The following LPAR6 variants were observed in gnomAD, a reference collection of about 807,000 sequenced individuals.
LPAR6 encodes the protein G-protein coupled purinergic receptor P2Y5.
LPAR6 carries 17 observed loss-of-function variants against 22.0 expected under a neutral mutation model. The observed-to-expected ratio is 0.77, with a 90% CI of 0.53 to 1.16. The LOEUF is 1.16. Ranked by LOEUF, LPAR6 falls within the 50% of genes most tolerant of loss-of-function variation. LPAR6 has a pLI of 0.00. For missense variants in LPAR6, 384 were observed against 406.9 expected, an observed-to-expected ratio of 0.94 and a Z score of 0.48; for synonymous variants, 136 against 139.8, an observed-to-expected ratio of 0.97 and a Z score of 0.19.
upstream of LPAR6, among the ~76,000 whole-genome samples, chr13:48,414,342 C>CA (rs199626771): frequency 0.014 from 1,272 of 93,018 alleles, 15 homozygotes; most frequent in Middle Eastern, 0.089. Context: ...GAGACTATCT[C>CA]AAAAAAAAAA....
intron 1 of LPAR6, among the ~76,000 whole-genome samples, chr13:48,390,466 G>A (rs1460286998): frequency 6.6e-6 from 1 of 152,228 alleles, no homozygotes; most frequent in Non-Finnish European, 1.5e-5. Flanking sequence ...GTAGCAAGGA[G>A]GAATGTGACT....
upstream of LPAR6, among the ~76,000 whole-genome samples, chr13:48,430,381 T>TA (rs1949116659): frequency 6.6e-6 from 1 of 152,014 alleles, no homozygotes; most frequent in Non-Finnish European, 1.5e-5. Context: ...ATAATCTCAA[T>TA]AAAAAATGAC....
In LPAR6 at chr13:48,395,432, G is replaced by T. The variant is rs201990006; in HGVS notation, n.115-5620C>A. Among the ~76,000 whole-genome samples the T allele has an allele frequency of 3.3e-5, 5 of 152,012 alleles. 1 individual carries two copies. The highest frequency in any genetic ancestry group is 1.9e-4 in the East Asian group (1 of 5,182). ...AAGGTGGGTAATAACAAACTCCTCC[G>T]AGCTAAAGGACCATGTTCTAACCCA... On this transcript the variant is annotated intron_variant and non_coding_transcript_variant, in intron 1 of 1. Transcript: ENST00000462781.
chr13:48,411,447 A>G lies in LPAR6; in HGVS notation c.977T>C (p.Ile326Thr), dbSNP rs756763885. The G allele has an allele frequency of 3.7e-6, 6 of 1,613,470 alleles. No homozygotes were observed. The South Asian group carries it at 6.6e-5, about 18-fold the overall frequency. The change falls in exon 1 of 1, where the codon ATT (isoleucine) becomes ACT (threonine). Residue 326 changes from isoleucine to threonine, a missense_variant. By Grantham distance (89) the Ile-to-Thr change is moderately conservative. Coordinates refer to ENST00000620633, the MANE Select transcript of LPAR6 (RefSeq NM_001162498.3). The stretch of plus-strand genomic sequence containing the variant: ...TTTTAAGGTCTGTAGGTTATGCTGA[A>G]TAAAATTCTCTGCACCATGAACTTC... ...FSEVHGAENF[I>T]QHNLQTLKSK...
downstream of LPAR6, among the ~76,000 whole-genome samples, chr13:48,409,874 C>T (rs187477230): frequency 6.6e-6 from 1 of 151,820 alleles, no homozygotes; most frequent in Admixed American, 6.6e-5. Context: ...CCACCGTGCC[C>T]GGCCTGAATT....
At chr13:48,390,839 A>G (rs1003133779) in intron 1 of LPAR6, among the ~76,000 whole-genome samples, 4 of 152,084 alleles carry the variant, frequency 2.6e-5, no homozygotes, top group South Asian at 2.1e-4. Flanking sequence ...TTTAACTTAT[A>G]CGTGTCTTTA....
chr13:48,442,248 T>C (rs1949244982), intron 1 of LPAR6, among the ~76,000 whole-genome samples: 1 of 152,032 alleles, frequency 6.6e-6, no homozygotes, highest in African/African-American at 2.4e-5. Context: ...TTGCCCAGGC[T>C]GGAGTGCAGT....
chr13:48,411,380 G>T lies in LPAR6; in HGVS notation c.*9C>A. ...AAGTTCTGTCCCAGTGAGTCCTAAT[G>T]GTTTTATTTCAGGCAGCAGATTCAT... On this transcript the variant is annotated 3_prime_UTR_variant, in exon 1 of 1. Transcript: ENST00000620633. 2 of 1,604,526 alleles carry T rather than the reference G, an allele frequency of 1.2e-6. No homozygotes were observed. The highest frequency in any genetic ancestry group is 1.7e-6 in the Non-Finnish European group (2 of 1,173,884).
At chr13:48,391,422 T>C (rs1948609532) in intron 1 of LPAR6, 1 of 152,136 alleles carries the variant, frequency 6.6e-6, no homozygotes, top group African/African-American at 2.4e-5. Context: ...CTTCATTCCT[T>C]GTGTAGATCC....
At chr13:48,409,825 C>T (rs1257307063), downstream of LPAR6, among the ~76,000 whole-genome samples, 1 of 151,878 alleles carries the variant, frequency 6.6e-6, no homozygotes, top group South Asian at 2.1e-4. Context: ...ATGATCCACC[C>T]GCCTCAGCCA....
At chr13:48,414,719 T>C (rs1948878116), upstream of LPAR6, among the ~76,000 whole-genome samples, 1 of 152,216 alleles carries the variant, frequency 6.6e-6, no homozygotes, top group Non-Finnish European at 1.5e-5. Flanking sequence ...TTTTTGTCAT[T>C]TGTTGATGAA....
chr13:48,443,471 A>C (rs953549481), intron 1 of LPAR6, among the ~76,000 whole-genome samples: 1 of 152,202 alleles, frequency 6.6e-6, no homozygotes, highest in Non-Finnish European at 1.5e-5. Flanking sequence ...CAGTTTACTA[A>C]AATAGCTAAG....
At chr13:48,408,920 A>G (rs1383886159), downstream of LPAR6, among the ~76,000 whole-genome samples, 1 of 152,140 alleles carries the variant, frequency 6.6e-6, no homozygotes, top group Non-Finnish European at 1.5e-5. Flanking sequence ...GAGAAATCTC[A>G]AAGTTATACA....
chr13:48,437,440 A>C (rs1161543531), intron 1 of LPAR6, among the ~76,000 whole-genome samples: 1 of 152,250 alleles, frequency 6.6e-6, no homozygotes, highest in African/African-American at 2.4e-5. Context: ...ATTATCTCAC[A>C]CAAATTCTGA....
upstream of LPAR6, among the ~76,000 whole-genome samples, chr13:48,413,431 G>GT (rs1182928984): frequency 6.6e-6 from 1 of 152,142 alleles, no homozygotes; most frequent in African/African-American, 2.4e-5. Context: ...TTGTTTTCGT[G>GT]TTTGGGATAT....
At chr13:48,426,501 A>G (rs1949081121) in intron 1 of LPAR6, 1 of 152,238 alleles carries the variant, frequency 6.6e-6, no homozygotes, top group African/African-American at 2.4e-5. Context: ...AACACATTGC[A>G]TATTGCATTA....
At chr13:48,394,681 A>G (rs1431509820) in intron 1 of LPAR6, among the ~76,000 whole-genome samples, 1 of 152,232 alleles carries the variant, frequency 6.6e-6, no homozygotes, top group Non-Finnish European at 1.5e-5. Context: ...CGCTGTAGCC[A>G]GACTGCCTTT....
chr13:48,418,159 C>G (rs985137834), intron 2 of LPAR6, among the ~76,000 whole-genome samples: 3 of 152,114 alleles, frequency 2.0e-5, no homozygotes, highest in East Asian at 1.9e-4. Flanking sequence ...CAAAGGGAAG[C>G]CCATCAGACT....
At chr13:48,444,608 G>T (rs1351854199) in exon 1 of LPAR6, 1 of 152,324 alleles carries the variant, frequency 6.6e-6, no homozygotes. Flanking sequence ...CGTAGGGTGA[G>T]GTATGGGAGC....
Sources: allele counts gnomAD v4.1 joint callset (sites outside exome capture counted in the v4.1 genomes callset), GRCh38; gene constraint gnomAD v4.1.1; transcripts MANE v1.5; gene names NCBI Gene and HGNC (gene_info 2026-07-23, HGNC 2026-07-21).